The following CLCN3 variants were observed in gnomAD, a reference collection of about 807,000 sequenced individuals.
The protein encoded by CLCN3 is H(+)/Cl(-) exchange transporter 3.
CLCN3 carries 16 observed loss-of-function variants against 83.4 expected under a neutral mutation model. That is an observed-to-expected ratio of 0.19 (90% CI 0.13 to 0.29). The LOEUF is 0.29. CLCN3 is among the 10% of genes least tolerant of loss of function. The pLI is 1.00. For synonymous variants in CLCN3, 322 were observed against 346.2 expected, an observed-to-expected ratio of 0.93 and a Z score of 0.78; for missense variants, 544 against 1,006.0, an observed-to-expected ratio of 0.54 and a Z score of 6.21.
At chr4:169,713,360 A>G (rs1006137901) in intron 12 of CLCN3, 65 bp downstream of exon 12, 10 of 1,301,746 alleles carry the variant, frequency 7.7e-6, no homozygotes, top group East Asian at 4.6e-5. Context: ...AGTGGAATCT[A>G]TATAGTTATT....
At chr4:169,675,496 T>C (rs1453787864) in intron 2 of CLCN3, among the ~76,000 whole-genome samples, 1 of 152,242 alleles carries the variant, frequency 6.6e-6, no homozygotes, top group Non-Finnish European at 1.5e-5. Context: ...ATATCTTGTG[T>C]TTTATTTTTA....
At chr4:169,631,157 A>G (rs1773359180) in intron 1 of CLCN3, among the ~76,000 whole-genome samples, 1 of 151,982 alleles carries the variant, frequency 6.6e-6, no homozygotes, top group South Asian at 2.1e-4. Context: ...CTGGTGTGAG[A>G]TGGTGTTTCA....
At position 169,680,065 on chromosome 4, in the gene CLCN3, T is replaced by C; in HGVS notation, c.176T>C (p.Met59Thr). The C allele has an allele frequency of 6.2e-7, 1 of 1,612,170 alleles. No homozygotes were observed. The highest frequency in any genetic ancestry group is 8.5e-7 in the Non-Finnish European group (1 of 1,178,360). The change falls in exon 3 of 13, where the codon ATG becomes ACG. Residue 59 changes from methionine (M) to threonine (T), a missense_variant. Transcript: ENST00000513761. ...GDTAVGTHYT[M>T]TNGGSINSST... ...TCTTCTGTAGGAACTCATTATACAA[T>C]GACAAATGGAGGCAGCATTAACAGT...
intron 1 of CLCN3, among the ~76,000 whole-genome samples, chr4:169,633,650 T>C (rs910039539): frequency 7.9e-5 from 12 of 152,220 alleles, no homozygotes; most frequent in African/African-American, 2.9e-4. Context: ...GCCACATAGG[T>C]AATTTTTAAT....
At chr4:169,687,630 A>G (rs776469330) in intron 3 of CLCN3, 28 bp from the exon 4 acceptor site, 2 of 1,479,222 alleles carry the variant, frequency 1.4e-6, no homozygotes, top group Admixed American at 3.5e-5. Flanking sequence ...TAGTTGGAAA[A>G]ATGAAGCATA....
At chr4:169,709,607 C>T (rs1304334976) in intron 11 of CLCN3, among the ~76,000 whole-genome samples, 5 of 151,662 alleles carry the variant, frequency 3.3e-5, no homozygotes. Flanking sequence ...ATCACTTGAA[C>T]CTGGGAGGTG....
At chr4:169,632,068 C>T (rs2150199814) in intron 1 of CLCN3, among the ~76,000 whole-genome samples, 1 of 152,264 alleles carries the variant, frequency 6.6e-6, no homozygotes, top group East Asian at 1.9e-4. Context: ...ATTCCAGCTT[C>T]ACCCCGATAC....
At chr4:169,673,219 T>G (rs1731546438) in intron 2 of CLCN3, among the ~76,000 whole-genome samples, 1 of 152,232 alleles carries the variant, frequency 6.6e-6, no homozygotes, top group Non-Finnish European at 1.5e-5. Flanking sequence ...TGTCACATAC[T>G]AAAGTAAATG....
chr4:169,709,551 G>A (rs1175043970), intron 11 of CLCN3, among the ~76,000 whole-genome samples: 1 of 151,968 alleles, frequency 6.6e-6, no homozygotes, highest in Admixed American at 6.6e-5. Context: ...TGGGTGTGGT[G>A]ACGCATGCCT....
intron 9 of CLCN3, among the ~76,000 whole-genome samples, chr4:169,700,981 TTAAAA>T (rs1383403121): frequency 1.3e-5 from 2 of 152,218 alleles, no homozygotes; most frequent in Non-Finnish European, 1.5e-5. Context: ...GTAGCAATTC[TTAAAA>T]TAAGATAACA....
At chr4:169,641,620 G>A (rs957243755) in intron 2 of CLCN3, among the ~76,000 whole-genome samples, 1 of 152,124 alleles carries the variant, frequency 6.6e-6, no homozygotes, top group Non-Finnish European at 1.5e-5. Context: ...GTATTCTTCT[G>A]GGTGGCATAT....
At position 169,697,275 on chromosome 4, in the gene CLCN3, A is replaced by G. The variant is rs755329077; in HGVS notation, c.1104A>G (p.Pro368=). The G allele has an allele frequency of 1.1e-5, 18 of 1,613,518 alleles. No homozygotes were observed. In the East Asian group the frequency reaches 2.5e-4, roughly 22 times the overall value. ...VAAFVLRSIN[P]FGNSRLVLFY... ...CATTTGTTTTGAGGTCCATCAATCC[A>G]TTTGGTAACAGCCGTCTGGTCCTTT... The change falls in exon 9 of 13, where the codon CCA becomes CCG. Residue 368 remains proline, a synonymous_variant. Transcript: ENST00000513761.
At chr4:169,673,171 T>C (rs1283712502) in intron 2 of CLCN3, among the ~76,000 whole-genome samples, 1 of 152,236 alleles carries the variant, frequency 6.6e-6, no homozygotes, top group East Asian at 1.9e-4. Flanking sequence ...CAGATTTGCA[T>C]GTTTGACAGA....
chr4:169,642,166 G>A (rs1334257904), intron 2 of CLCN3, among the ~76,000 whole-genome samples: 5 of 151,944 alleles, frequency 3.3e-5, no homozygotes, highest in East Asian at 1.9e-4. Flanking sequence ...ACTCCTGGCC[G>A]CAAGCTCTCC....
At position 169,635,789 on chromosome 4, in the gene CLCN3, T is replaced by C. The variant is rs894617342; in HGVS notation, c.-16-124T>C. On this transcript the variant is annotated intron_variant, in intron 1 of 12. Transcript: ENST00000513761. ...CAAAATACTTAATAAAGGTAACTAT[T>C]GTTACAGTGAATACGCTTAATTTTT... 6.9e-6 allele frequency: 4 copies of C among 582,300 alleles called. No individual in the cohort carries two copies. The African/African-American group carries it at 7.7e-5, about 11-fold the overall frequency. 36.1% of individuals were successfully genotyped at this position (582,300 alleles called of 1,614,324 possible).
chr4:169,633,912 G>T (rs1216074319), intron 1 of CLCN3, among the ~76,000 whole-genome samples: 1 of 151,896 alleles, frequency 6.6e-6, no homozygotes, highest in Non-Finnish European at 1.5e-5. Context: ...TGCTGCATCA[G>T]TCAGTACAGC....
Position 169,723,573 on chromosome 4 carries a change from AT to A in CLCN3, c.*3579del, listed in dbSNP as rs931241643. On this transcript the variant is annotated 3_prime_UTR_variant, in exon 13 of 13. Transcript: ENST00000513761. ...ATGTCTTTAAAAAATCACCTTGGAC[AT>A]TTGCTAATAGAACTGCCAAAAGAGG... 2 of 152,088 alleles carry A rather than the reference AT, an allele frequency of 1.3e-5. No homozygotes were observed. Among genetic ancestry groups the A allele is most frequent in the African/African-American group, 4.8e-5 (2 of 41,402 alleles). The allele number at this position is 152,088 out of a possible 1,614,324, so 9.4% of individuals were successfully genotyped here. A position where few individuals can be genotyped will look rare whatever the true frequency, so the allele number is the denominator to read the frequency against.
At chr4:169,719,798 C>A in intron 12 of CLCN3, 109 bp from the exon 13 acceptor site, 1 of 744,476 alleles carries the variant, frequency 1.3e-6, no homozygotes, top group Non-Finnish European at 2.1e-6. Context: ...CAAAATCAGG[C>A]TGCTTGCTTT....
At chr4:169,655,339 A>G (rs1418526484) in intron 2 of CLCN3, among the ~76,000 whole-genome samples, 1 of 152,238 alleles carries the variant, frequency 6.6e-6, no homozygotes, top group Non-Finnish European at 1.5e-5. Context: ...TATTTCTAAA[A>G]TTTAGAACTC....
Sources: allele counts gnomAD v4.1 joint callset (sites outside exome capture counted in the v4.1 genomes callset), GRCh38; gene constraint gnomAD v4.1.1; transcripts MANE v1.5; gene names NCBI Gene and HGNC (gene_info 2026-07-23, HGNC 2026-07-21).